Variants in PSIP1 observed in about 807,000 individuals in gnomAD.
The protein encoded by PSIP1 is PC4 and SFRS1-interacting protein.
In PSIP1, 19 loss-of-function variants were observed where a neutral mutation model predicts 74.7. The ratio of observed to expected loss-of-function variants is 0.25; its 90% CI spans 0.18 to 0.37. PSIP1 has a LOEUF of 0.37. Ranked by LOEUF, PSIP1 falls within the 10% of genes least tolerant of loss-of-function variation. The probability of loss-of-function intolerance (pLI) is 1.00; values close to 1 mark genes in which losing one functional copy is unlikely to be tolerated. For missense variants in PSIP1, 601 were observed against 614.3 expected, an observed-to-expected ratio of 0.98 and a Z score of 0.23; for synonymous variants, 222 against 195.3, an observed-to-expected ratio of 1.14 and a Z score of -1.14.
chr9:15,464,646 A>ATTAAG lies in PSIP1; in HGVS notation c.*869_*873dup, dbSNP rs1383126439. The ATTAAG allele has an allele frequency of 5.0e-6, 1 of 198,548 alleles. No individual in the cohort carries two copies. The highest frequency in any genetic ancestry group is 1.0e-5 in the Non-Finnish European group (1 of 96,200). The allele number at this position is 198,548 out of a possible 1,614,324, so 12.3% of individuals were successfully genotyped here. On this transcript the variant is annotated 3_prime_UTR_variant, in exon 16 of 16. Coordinates refer to ENST00000380733, the MANE Select transcript of PSIP1 (RefSeq NM_033222.5). ...ATAAGCATCATGATTTTTTCTTCCA[A>ATTAAG]TTAAGTTTTAGTGACTTCCTAAAGA...
At chr9:15,477,375 A>AT (rs1263321812) in intron 8 of PSIP1, among the ~76,000 whole-genome samples, 2 of 152,108 alleles carry the variant, frequency 1.3e-5, no homozygotes, top group South Asian at 4.1e-4. Context: ...TCTCTTAGTA[A>AT]TTTTCAAGTA....
intron 3 of PSIP1, among the ~76,000 whole-genome samples, chr9:15,502,693 T>C (rs1041415429): frequency 6.6e-6 from 1 of 152,346 alleles, no homozygotes; most frequent in African/African-American, 2.4e-5. Flanking sequence ...TGACTAGATG[T>C]AGAAAGGAAG....
intron 12 of PSIP1, 75 bp downstream of exon 12, chr9:15,469,191 A>C: frequency 2.3e-6 from 3 of 1,324,296 alleles, no homozygotes; most frequent in South Asian, 2.7e-5. Flanking sequence ...TTACATACTC[A>C]TAAGATCATG....
chr9:15,506,517 T>C (rs752726995), intron 3 of PSIP1, 44 bp downstream of exon 3: 16 of 1,381,146 alleles, frequency 1.2e-5, no homozygotes, highest in South Asian at 3.5e-5. Flanking sequence ...CTAATAACCC[T>C]GTTAAATTAG....
intron 2 of PSIP1, among the ~76,000 whole-genome samples, chr9:15,509,761 G>C (rs938320594): frequency 1.3e-5 from 2 of 152,138 alleles, no homozygotes; most frequent in African/African-American, 4.8e-5. Flanking sequence ...TTTTGTACTT[G>C]ATCCAAAACT....
rs150236159 is a variant in PSIP1 at position 15,508,679 on chromosome 9, G to A, written c.72+1438C>T. Among the ~76,000 whole-genome samples the A allele has an allele frequency of 2.7e-3, 417 of 152,124 alleles. 7 individuals are homozygous for A. The highest frequency in any genetic ancestry group is 9.6e-3 in the African/African-American group (400 of 41,502). On this transcript the variant is annotated intron_variant, in intron 2 of 15. Coordinates refer to ENST00000380733, the MANE Select transcript of PSIP1 (RefSeq NM_033222.5). ...AAGACCATGAAAAAGTATATCAGAG[G>A]GGCCTTAAACCTGATCAGTTTCCCT...
chr9:15,495,403 T>C (rs1220605662), intron 3 of PSIP1, among the ~76,000 whole-genome samples: 1 of 152,144 alleles, frequency 6.6e-6, no homozygotes, highest in African/African-American at 2.4e-5. Context: ...AAAGTTACGA[T>C]TGTTCTGTGA....
At chr9:15,466,272 G>T (rs1378069595) in intron 15 of PSIP1, among the ~76,000 whole-genome samples, 1 of 151,838 alleles carries the variant, frequency 6.6e-6, no homozygotes, top group African/African-American at 2.4e-5. Flanking sequence ...CCAGCTACTT[G>T]GGAGGCTGAG....
chr9:15,489,108 C>T (rs1408914236), intron 4 of PSIP1, among the ~76,000 whole-genome samples: 1 of 152,054 alleles, frequency 6.6e-6, no homozygotes, highest in African/African-American at 2.4e-5. Flanking sequence ...AAAAACAATA[C>T]AAATTGGATA....
At position 15,468,648 on chromosome 9, in the gene PSIP1, G is replaced by A. The variant is rs1413646864; in HGVS notation, c.1402C>T (p.Leu468=). 4 of 1,613,986 alleles carry A rather than the reference G, an allele frequency of 2.5e-6. No individual in the cohort carries two copies. Among genetic ancestry groups the A allele is most frequent in the Non-Finnish European group, 3.4e-6 (4 of 1,179,920 alleles). Residue 468 remains leucine (L), a synonymous_variant, in exon 14 of 16, where the codon CTA becomes TTA. Transcript: ENST00000380733. Reference sequence around the variant, plus strand: ...CACATACCTGTTTGTTCCTTCTCTAGCTTTTTGTTTGGCCCTTTCTTCCCT... The same window carrying A: ...CACATACCTGTTTGTTCCTTCTCTAACTTTTTGTTTGGCCCTTTCTTCCCT... ...DQGKKGPNKK[L]EKEQTGSKTL... is the part of the protein sequence containing the mutation.
intron 2 of PSIP1, among the ~76,000 whole-genome samples, 183 bp downstream of exon 2, chr9:15,509,934 G>A (rs1254230754): frequency 1.3e-5 from 2 of 152,202 alleles, no homozygotes; most frequent in African/African-American, 4.8e-5. Flanking sequence ...ATGTAGAAAC[G>A]TCTGGATTTT....
chr9:15,465,378 TA>T lies in PSIP1; in HGVS notation c.*141del, dbSNP rs1004820813. ...CTTAGCGATAATGTTTACTTTACTT[TA>T]AAACAAAGGGATTTTCTCCCTCAAA... On this transcript the variant is annotated 3_prime_UTR_variant, in exon 16 of 16. Transcript: ENST00000380733. 1 of 693,976 alleles carries T rather than the reference TA, an allele frequency of 1.4e-6. No homozygotes were observed. Among genetic ancestry groups the T allele is most frequent in the Non-Finnish European group, 2.4e-6 (1 of 416,744 alleles). 43.0% of individuals were successfully genotyped at this position (693,976 alleles called of 1,614,324 possible).
At chr9:15,472,314 ATATG>A (rs1181441364) in intron 10 of PSIP1, 15 of 1,053,758 alleles carry the variant, frequency 1.4e-5, no homozygotes, top group Non-Finnish European at 1.7e-5. Context: ...CCCTCTATCT[ATATG>A]TATTATATTA....
chr9:15,486,629 G>C (rs1326804487), intron 5 of PSIP1, among the ~76,000 whole-genome samples, 198 bp downstream of exon 5: 1 of 151,964 alleles, frequency 6.6e-6, no homozygotes, highest in African/African-American at 2.4e-5. Flanking sequence ...AATAATAACA[G>C]GTATGCATCT....
At chr9:15,471,949 A>C in intron 10 of PSIP1, 1 of 973,906 alleles carries the variant, frequency 1.0e-6, no homozygotes, top group Non-Finnish European at 1.2e-6. Context: ...CAGAAGTGAC[A>C]GTCTAAAGGT....
At chr9:15,479,359 G>C (rs545345382) in intron 7 of PSIP1, among the ~76,000 whole-genome samples, 1 of 152,188 alleles carries the variant, frequency 6.6e-6, no homozygotes, top group Non-Finnish European at 1.5e-5. Context: ...CCTCCCCACA[G>C]CCTCTCTTAC....
chr9:15,478,083 C>T (rs1587478142), intron 8 of PSIP1, among the ~76,000 whole-genome samples: 1 of 144,466 alleles, frequency 6.9e-6, no homozygotes, highest in East Asian at 2.0e-4. Context: ...TGTGCGATTG[C>T]AGCACTGCAC....
At position 15,468,973 on chromosome 9, in the gene PSIP1, ATC is replaced by A; in HGVS notation, c.1188_1189del (p.Met396IlefsTer13). 1 of 1,613,914 alleles carries A rather than the reference ATC, an allele frequency of 6.2e-7. No individual in the cohort carries two copies. The highest frequency in any genetic ancestry group is 8.5e-7 in the Non-Finnish European group (1 of 1,179,916). On this transcript the variant is annotated frameshift_variant, in exon 13 of 16. Coordinates refer to ENST00000380733, the MANE Select transcript of PSIP1 (RefSeq NM_033222.5). LOFTEE classifies it high-confidence loss of function. ...ATCACTTACTTTTTTCAGTGTAGTAATCATCTCTGTGTGTTTCTGAGCTTGTT... is the reference window on the plus strand; with the variant it reads ...ATCACTTACTTTTTTCAGTGTAGTAAATCTCTGTGTGTTTCTGAGCTTGTT...
chr9:15,492,406 C>G (rs2036872821), intron 3 of PSIP1, among the ~76,000 whole-genome samples: 4 of 152,230 alleles, frequency 2.6e-5, no homozygotes, highest in African/African-American at 9.6e-5. Context: ...GACTGCATGT[C>G]TCAAATTCAG....
Sources: allele counts gnomAD v4.1 joint callset (sites outside exome capture counted in the v4.1 genomes callset), GRCh38; gene constraint gnomAD v4.1.1; transcripts MANE v1.5; gene names NCBI Gene and HGNC (gene_info 2026-07-23, HGNC 2026-07-21).